Variants in USP43 observed in about 807,000 individuals in gnomAD.
USP43 encodes the protein ubiquitin specific peptidase 43, also known as ubiquitin carboxyl-terminal hydrolase 43.
In USP43, 33 loss-of-function variants were observed where a neutral mutation model predicts 90.7. The ratio of observed to expected loss-of-function variants is 0.36; its 90% CI spans 0.28 to 0.49. The LOEUF is 0.49. USP43 is among the 20% of genes least tolerant of loss of function. The pLI, the probability that USP43 is intolerant of heterozygous loss-of-function variation, is 0.98. For synonymous variants in USP43, 598 were observed against 615.8 expected (o/e 0.97, Z 0.43); for missense variants, 1,274 against 1,476.4 (o/e 0.86, Z 2.25).
rs527435833 is a variant in USP43 at position 9,712,154 on chromosome 17, G to A, written c.2335+22G>A. ...AAGGGTATGTTGGTTAAATGTGCTT[G>A]GTTGATTTTCATTTTCTGTAATGTC... On this transcript the variant is annotated intron_variant, in intron 14 of 14. Coordinates refer to ENST00000285199, the MANE Select transcript of USP43 (RefSeq NM_153210.5). 6 of 1,529,520 alleles carry A rather than the reference G, an allele frequency of 3.9e-6. No homozygotes were observed. The East Asian group carries it at 1.2e-4, about 31-fold the overall frequency. The allele number at this position is 1,529,520 out of a possible 1,614,324, so 94.7% of individuals were successfully genotyped here.
intron 12 of USP43, among the ~76,000 whole-genome samples, chr17:9,706,303 T>C (rs1915872654): frequency 6.6e-6 from 1 of 152,252 alleles, no homozygotes; most frequent in South Asian, 2.1e-4. Context: ...ATCTGTCAGT[T>C]GGCTCTTCCT....
At chr17:9,700,321 A>G (rs893314604) in intron 10 of USP43, 72 bp downstream of exon 10, 27 of 1,439,122 alleles carry the variant, frequency 1.9e-5, no homozygotes, top group Middle Eastern at 1.8e-4. Flanking sequence ...CCCTGGACGC[A>G]GCTTCCCCCA....
chr17:9,670,387 G>A (rs971328946), intron 3 of USP43, among the ~76,000 whole-genome samples: 6 of 152,180 alleles, frequency 3.9e-5, no homozygotes, highest in African/African-American at 1.2e-4. Context: ...AGAGGAGGCA[G>A]GAGCAACAGT....
At position 9,686,845 on chromosome 17, in the gene USP43, C is replaced by A. The variant is rs536617307; in HGVS notation, c.1289C>A (p.Ala430Asp). ...LIREDRAVSW[A>D]QLQQSILSKV... The stretch of plus-strand genomic sequence containing the variant: ...AGGGAAGACAGAGCTGTTTCCTGGG[C>A]CCAGCTCCAGCAGTCTATCCTCAGC... The change falls in exon 8 of 15, where the codon GCC (alanine) becomes GAC (aspartate). Residue 430 changes from alanine (A) to aspartate (D), a missense_variant. By Grantham distance (126) the Ala-to-Asp change is moderately radical. Around this residue, in one of 6 missense-constraint regions of USP43, gnomAD observed 253 missense variants for 276.0 expected, o/e 0.92. Transcript: ENST00000285199. The surrounding 1 kb of genome is among the most constrained non-coding windows in gnomAD (Gnocchi z 5.5). 6.2e-7 allele frequency: 1 copy of A among 1,613,778 alleles called. No homozygotes were observed. Among genetic ancestry groups the A allele is most frequent in the African/African-American group, 1.3e-5 (1 of 74,904 alleles).
chr17:9,700,390 T>A (rs1030368577), intron 10 of USP43, 141 bp downstream of exon 10: 11 of 704,360 alleles, frequency 1.6e-5, no homozygotes, highest in Admixed American at 8.9e-5. Context: ...TCCTGTGAGA[T>A]GCCTGAGTGA....
chr17:9,678,041 C>T (rs1403370938), intron 5 of USP43, among the ~76,000 whole-genome samples: 1 of 152,062 alleles, frequency 6.6e-6, no homozygotes, highest in Non-Finnish European at 1.5e-5. Flanking sequence ...TGGGGAGTTA[C>T]TGAAAGAGAC....
At chr17:9,646,205 C>T in intron 1 of USP43, 69 bp downstream of exon 1, 1 of 1,361,556 alleles carries the variant, frequency 7.3e-7, no homozygotes, top group East Asian at 3.1e-5. Context: ...TGTGCACGAT[C>T]AGGAAAGGGT....
chr17:9,671,274 G>T (rs1469383459), intron 3 of USP43, among the ~76,000 whole-genome samples: 1 of 146,078 alleles, frequency 6.8e-6, no homozygotes, highest in African/African-American at 2.6e-5. Flanking sequence ...TTGGCTGGAG[G>T]AGGGAGTGTG....
intron 9 of USP43, among the ~76,000 whole-genome samples, chr17:9,694,780 C>T (rs1202710322): frequency 1.6e-4 from 25 of 152,154 alleles, no homozygotes; most frequent in East Asian, 1.9e-4. Flanking sequence ...CACGCCATCA[C>T]GCCTGGCTAA....
At position 9,728,789 on chromosome 17, in the gene USP43, C is replaced by T; in HGVS notation, c.3171C>T (p.Ser1057=). The stretch of plus-strand genomic sequence containing the variant: ...AGGGCCTGGCCAGGGGCCTGGGCAG[C>T]CGGCTCGAGAGGGATGTCTGGTCAG... The part of the protein sequence containing the change: ...IPEGLARGLG[S]RLERDVWSAP... The change falls in exon 15 of 15, where the codon AGC becomes AGT. Residue 1057 remains serine (S), a synonymous_variant. Transcript: ENST00000285199. This position sits in a 1 kb window ranked among gnomAD's most constrained non-coding sequence, Gnocchi z 6.2. 2 of 1,609,400 alleles carry T rather than the reference C, an allele frequency of 1.2e-6. No individual in the cohort carries two copies. The highest frequency in any genetic ancestry group is 1.1e-5 in the South Asian group (1 of 90,666).
chr17:9,669,323 T>C (rs1913244444), intron 3 of USP43, among the ~76,000 whole-genome samples: 1 of 152,234 alleles, frequency 6.6e-6, no homozygotes, highest in Non-Finnish European at 1.5e-5. Context: ...GCAGGTCGAA[T>C]TCATCTGTGT....
chr17:9,675,884 A>G lies in USP43; in HGVS notation c.834-862A>G, dbSNP rs899540338. Among the ~76,000 whole-genome samples, 3 of 152,330 alleles carry G rather than the reference A, an allele frequency of 2.0e-5. No individual in the cohort carries two copies. The East Asian group carries it at 5.8e-4, about 29-fold the overall frequency. ...GATGATCTAAGACTCCCAGCCTGAC[A>G]CAGCACAGCAGAGTGGTCAAGACCA... On this transcript the variant is annotated intron_variant, in intron 4 of 14. Coordinates refer to ENST00000285199, the MANE Select transcript of USP43 (RefSeq NM_153210.5).
intron 8 of USP43, among the ~76,000 whole-genome samples, chr17:9,691,662 CA>C (rs542975869): frequency 9.9e-4 from 151 of 152,244 alleles, no homozygotes; most frequent in Admixed American, 2.0e-3. Flanking sequence ...CTGTTTTCTA[CA>C]GCAGCTGTAC....
chr17:9,666,499 T>C (rs1232884018), intron 2 of USP43, 149 bp from the exon 3 acceptor site: 2 of 626,474 alleles, frequency 3.2e-6, no homozygotes, highest in East Asian at 2.8e-5. Flanking sequence ...CCTTGAGTTA[T>C]GGTAAAGGCA....
At chr17:9,650,437 C>G (rs1911773643) in intron 1 of USP43, among the ~76,000 whole-genome samples, 1 of 152,136 alleles carries the variant, frequency 6.6e-6, no homozygotes, top group Non-Finnish European at 1.5e-5. Flanking sequence ...GAGTCTCACT[C>G]TGTCGCCCAG....
At chr17:9,668,955 C>A (rs1913216990) in intron 3 of USP43, among the ~76,000 whole-genome samples, 1 of 151,994 alleles carries the variant, frequency 6.6e-6, no homozygotes, top group East Asian at 1.9e-4. Flanking sequence ...CCTGCCTCAG[C>A]CTCCTGAGTA....
chr17:9,694,418 A>G (rs985763340), intron 9 of USP43, among the ~76,000 whole-genome samples: 1 of 152,156 alleles, frequency 6.6e-6, no homozygotes, highest in African/African-American at 2.4e-5. Context: ...AGATAACCCA[A>G]AGTGGTTCTG....
rs950245755 is a variant in USP43, at chr17:9,693,049, T to C, written c.1354-78T>C. On this transcript the variant is annotated intron_variant, in intron 8 of 14. Transcript: ENST00000285199. ...GGAAAATAATGATTATATTTTTTAA[T>C]GTATGCGCCCCTTTAGAGTCTAATT... The C allele has an allele frequency of 1.7e-4, 158 of 940,712 alleles. No homozygotes were observed. In the African/African-American group the frequency reaches 2.4e-3, roughly 15 times the overall value. The allele number at this position is 940,712 out of a possible 1,614,324, so 58.3% of individuals were successfully genotyped here.
At chr17:9,716,546 T>C (rs1006649913) in intron 14 of USP43, among the ~76,000 whole-genome samples, 2 of 152,114 alleles carry the variant, frequency 1.3e-5, no homozygotes, top group African/African-American at 4.8e-5. Context: ...TGTTGACAAT[T>C]GTCAATAAAA....
Sources: gnomAD v4.1 joint callset for allele counts (sites outside exome capture counted in the v4.1 genomes callset) on GRCh38, gnomAD v4.1.1 for gene constraint, gnomAD v4.1.1 regional missense constraint, Gnocchi (gnomAD v3.1) non-coding constraint, MANE v1.5 for transcripts, NCBI Gene and HGNC (gene_info 2026-07-23, HGNC 2026-07-21) for gene names.